SEPTIN10: variants seen among roughly 807,000 people sequenced by gnomAD.
SEPTIN10 encodes the protein septin 10.
Under a neutral mutation model 54.8 loss-of-function variants are expected in SEPTIN10, and 66 were observed. The observed-to-expected ratio is 1.21, with a 90% CI of 0.99 to 1.48. The LOEUF (loss-of-function observed/expected upper bound fraction) is 1.48. Ranked by LOEUF, SEPTIN10 falls within the 40% of genes most tolerant of loss-of-function variation. The probability of loss-of-function intolerance (pLI) is 0.00; values close to 1 mark genes in which losing one functional copy is unlikely to be tolerated. For missense variants in SEPTIN10, 620 were observed against 545.6 expected (o/e 1.14, Z -1.36); for synonymous variants, 161 against 181.0 (o/e 0.89, Z 0.89).
At chr2:109,607,433 C>T (rs1234630406) in intron 1 of SEPTIN10, among the ~76,000 whole-genome samples, 1 of 152,030 alleles carries the variant, frequency 6.6e-6, no homozygotes, top group Non-Finnish European at 1.5e-5. Context: ...GGGGGCAGTA[C>T]CTGTATTATC....
chr2:109,556,540 A>C (rs945743106), intron 8 of SEPTIN10, among the ~76,000 whole-genome samples: 1 of 152,198 alleles, frequency 6.6e-6, no homozygotes, highest in Admixed American at 6.5e-5. Context: ...AAACACTTGC[A>C]GAAACCTGTT....
chr2:109,562,720 A>C (rs1685987737), intron 8 of SEPTIN10, among the ~76,000 whole-genome samples: 1 of 152,146 alleles, frequency 6.6e-6, no homozygotes, highest in Non-Finnish European at 1.5e-5. Flanking sequence ...AGGCCTCTGA[A>C]GTGACCCTGA....
intron 3 of SEPTIN10, 33 bp downstream of exon 3, chr2:109,585,688 G>A (rs1458829503): frequency 1.4e-6 from 2 of 1,417,566 alleles, no homozygotes; most frequent in Admixed American, 1.7e-5. Flanking sequence ...GAATATGAAG[G>A]AACAACTTAG....
chr2:109,592,976 C>A, intron 2 of SEPTIN10, 75 bp downstream of exon 2: 1 of 955,952 alleles, frequency 1.0e-6, no homozygotes, highest in Admixed American at 2.7e-5. Flanking sequence ...AGTCTATAAG[C>A]ACTCCAAGTA....
intron 1 of SEPTIN10, among the ~76,000 whole-genome samples, chr2:109,604,154 T>C (rs1573853506): frequency 8.8e-6 from 1 of 114,104 alleles, no homozygotes; most frequent in African/African-American, 3.8e-5. Context: ...AGAGCGAGAC[T>C]CTGCCTCAAA....
chr2:109,579,929 T>C (rs1558808860), intron 4 of SEPTIN10, among the ~76,000 whole-genome samples: 1 of 151,756 alleles, frequency 6.6e-6, no homozygotes, highest in Non-Finnish European at 1.5e-5. Flanking sequence ...GAGACCAGCC[T>C]GGCCTACATG....
At chr2:109,594,260 T>C (rs1212970178) in intron 1 of SEPTIN10, among the ~76,000 whole-genome samples, 3 of 131,914 alleles carry the variant, frequency 2.3e-5, no homozygotes, top group Admixed American at 8.0e-5. Context: ...ACAATATTAA[T>C]ATGAATGTGG....
intron 9 of SEPTIN10, among the ~76,000 whole-genome samples, chr2:109,550,187 G>A (rs1290130731): frequency 6.6e-6 from 1 of 151,872 alleles, no homozygotes; most frequent in Non-Finnish European, 1.5e-5. Flanking sequence ...CTACTCGGGA[G>A]GCTGAGGCAG....
intron 10 of SEPTIN10, 195 bp from the exon 11 acceptor site, chr2:109,544,519 T>C: frequency 1.0e-6 from 1 of 985,136 alleles, no homozygotes; most frequent in Non-Finnish European, 1.2e-6. Flanking sequence ...ATGGGCTTGG[T>C]CCTGATTTTG....
chr2:109,594,626 G>A (rs751506067), intron 1 of SEPTIN10: 1 of 152,212 alleles, frequency 6.6e-6, no homozygotes, highest in Non-Finnish European at 1.5e-5. Flanking sequence ...CAATTACAAT[G>A]AACCATGCTG....
intron 2 of SEPTIN10, among the ~76,000 whole-genome samples, chr2:109,591,174 G>A (rs754962374): frequency 3.2e-4 from 48 of 152,094 alleles, no homozygotes; most frequent in Non-Finnish European, 5.9e-4. Flanking sequence ...AGAAGCACTA[G>A]GCTTCTTCCT....
At chr2:109,547,369 GTTTTTTT>G (rs35573327) in intron 9 of SEPTIN10, among the ~76,000 whole-genome samples, 15 of 117,874 alleles carry the variant, frequency 1.3e-4, no homozygotes, top group Non-Finnish European at 1.6e-4. Context: ...TAATAAACTT[GTTTTTTT>G]TTTTTTTTTT....
At chr2:109,568,046 C>G in intron 5 of SEPTIN10, 70 bp from the exon 6 acceptor site, 1 of 1,214,372 alleles carries the variant, frequency 8.2e-7, no homozygotes, top group Admixed American at 2.5e-5. Context: ...TGTTTTTTCA[C>G]TCAAAACTGT....
At position 109,564,386 on chromosome 2, in the gene SEPTIN10, G is replaced by C; in HGVS notation, c.1008C>G (p.Gly336=). The change falls in exon 8 of 11, where the codon GGC becomes GGG. Residue 336 remains glycine, a synonymous_variant. Coordinates refer to ENST00000397712, the MANE Select transcript of SEPTIN10 (RefSeq NM_144710.5). ...CCTACCTGACTGGCTTGTTTTCTGG[G>C]CCCACATCTGTAAAGCCCATTTCCT... is the stretch of plus-strand genomic sequence containing the variant. ...KLEEMGFTDV[G]PENKPVSVQE... The C allele has an allele frequency of 6.4e-7, 1 of 1,573,700 alleles. No homozygotes were observed. The highest frequency in any genetic ancestry group is 8.6e-7 in the Non-Finnish European group (1 of 1,156,166).
chr2:109,549,232 G>T (rs186450838), intron 9 of SEPTIN10, among the ~76,000 whole-genome samples: 1 of 152,224 alleles, frequency 6.6e-6, no homozygotes, highest in African/African-American at 2.4e-5. Context: ...ACAAAGTCTG[G>T]AAAGGAAGCA....
intron 9 of SEPTIN10, chr2:109,552,402 A>G (rs1349862979): frequency 6.6e-6 from 1 of 152,248 alleles, no homozygotes; most frequent in Non-Finnish European, 1.5e-5. Flanking sequence ...AAGCCATAGT[A>G]AAAATGTTTA....
At chr2:109,566,040 T>C (rs1686936362) in intron 6 of SEPTIN10, among the ~76,000 whole-genome samples, 181 bp from the exon 7 acceptor site, 1 of 152,154 alleles carries the variant, frequency 6.6e-6, no homozygotes, top group Non-Finnish European at 1.5e-5. Flanking sequence ...ACAAGAGTCA[T>C]CTTTGGGCCC....
chr2:109,597,530 C>T (rs949914077), intron 1 of SEPTIN10, among the ~76,000 whole-genome samples: 7 of 152,320 alleles, frequency 4.6e-5, no homozygotes, highest in Middle Eastern at 3.4e-3. Context: ...CTCGTTTCAA[C>T]GCACAAGGGG....
At chr2:109,575,391 T>C (rs1477073923) in intron 4 of SEPTIN10, among the ~76,000 whole-genome samples, 2 of 152,240 alleles carry the variant, frequency 1.3e-5, no homozygotes. Context: ...AAGGCATACA[T>C]CAGTATCTAA....
Sources: gnomAD v4.1 joint callset for allele counts (sites outside exome capture counted in the v4.1 genomes callset) on GRCh38, gnomAD v4.1.1 for gene constraint, MANE v1.5 for transcripts, NCBI Gene and HGNC (gene_info 2026-07-23, HGNC 2026-07-21) for gene names.